GRIA1: variants seen among roughly 807,000 people sequenced by gnomAD.
The protein encoded by GRIA1 is glutamate ionotropic receptor AMPA type subunit 1, also known as glutamate receptor 1.
A neutral mutation model predicts 99.2 loss-of-function variants in GRIA1; 31 were observed. The ratio of observed to expected loss-of-function variants is 0.31; its 90% CI spans 0.23 to 0.42. The LOEUF is 0.42. GRIA1 is among the 10% of genes least tolerant of loss of function. The pLI is 1.00. For synonymous variants in GRIA1, 438 were observed against 432.4 expected (o/e 1.01, Z -0.16); for missense variants, 782 against 1,157.5 (o/e 0.68, Z 4.71).
intron 14 of GRIA1, among the ~76,000 whole-genome samples, chr5:153,797,859 C>T (rs771721901): frequency 3.9e-5 from 6 of 152,198 alleles, no homozygotes; most frequent in Non-Finnish European, 7.4e-5. Flanking sequence ...AATATGAAGG[C>T]TAGGGAACTG....
chr5:153,806,181 A>G (rs1766413194), intron 15 of GRIA1, among the ~76,000 whole-genome samples: 1 of 152,198 alleles, frequency 6.6e-6, no homozygotes, highest in African/African-American at 2.4e-5. Flanking sequence ...TGGTGATGAC[A>G]TGGGCATTTG....
rs1287160897 is a variant in GRIA1, at chr5:153,493,923, C to T, written c.83-5C>T. The T allele has an allele frequency of 6.2e-7, 1 of 1,613,926 alleles. No homozygotes were observed. Among genetic ancestry groups the T allele is most frequent in the Middle Eastern group, 1.7e-4 (1 of 6,058 alleles). On this transcript the variant is annotated splice_polypyrimidine_tract_variant and splice_region_variant and intron_variant, in intron 1 of 15. Coordinates refer to ENST00000285900, the MANE Select transcript of GRIA1 (RefSeq NM_000827.4). ...TATACCATGTTGCATTTTCTTTTCT[C>T]ATAGGGGGATTATTTCCAAACCAGC... is the stretch of plus-strand genomic sequence containing the variant.
chr5:153,802,618 A>C (rs991215711), intron 15 of GRIA1, 128 bp downstream of exon 15: 1 of 937,772 alleles, frequency 1.1e-6, no homozygotes, highest in Non-Finnish European at 1.7e-6. Flanking sequence ...AGGAAGCAGG[A>C]AGCTGTTACG....
chr5:153,624,291 A>G (rs1767365195), intron 2 of GRIA1, among the ~76,000 whole-genome samples: 1 of 152,184 alleles, frequency 6.6e-6, no homozygotes, highest in South Asian at 2.1e-4. Context: ...CTTCTCTCTA[A>G]CCGTGACTCA....
chr5:153,629,587 G>C (rs1189987275), intron 2 of GRIA1, among the ~76,000 whole-genome samples: 1 of 152,198 alleles, frequency 6.6e-6, no homozygotes, highest in Non-Finnish European at 1.5e-5. Flanking sequence ...TTTGGAAGCG[G>C]TACTTGGGCT....
intron 2 of GRIA1, among the ~76,000 whole-genome samples, chr5:153,499,091 TG>T (rs1166448519): frequency 5.3e-5 from 8 of 152,212 alleles, no homozygotes; most frequent in African/African-American, 1.9e-4. Flanking sequence ...TGGCTGATGG[TG>T]GGATAAACAA....
intron 2 of GRIA1, among the ~76,000 whole-genome samples, chr5:153,638,355 A>G (rs1162862245): frequency 6.6e-6 from 1 of 152,230 alleles, no homozygotes; most frequent in African/African-American, 2.4e-5. Context: ...GTGGACATTT[A>G]TGGAGCTCCT....
chr5:153,505,430 G>A (rs1755402697), intron 2 of GRIA1, among the ~76,000 whole-genome samples: 1 of 152,196 alleles, frequency 6.6e-6, no homozygotes, highest in Non-Finnish European at 1.5e-5. Flanking sequence ...GATATTAGTA[G>A]ATATGTTTGA....
intron 2 of GRIA1, among the ~76,000 whole-genome samples, chr5:153,534,070 TG>T (rs1758330274): frequency 1.3e-5 from 2 of 152,358 alleles, no homozygotes; most frequent in Non-Finnish European, 1.5e-5. Context: ...CTCAGGGTTT[TG>T]GGGCTATGCT....
chr5:153,669,732 C>T lies in GRIA1; in HGVS notation c.700-4768C>T, dbSNP rs564459346. ...TTCATAGAAGTAACTATTTTAAACC[C>T]TTTTCCTGCATTTGGTTATTTAATG... On this transcript the variant is annotated intron_variant, in intron 5 of 15. Transcript: ENST00000285900. 5.3e-5 allele frequency among the ~76,000 whole-genome samples: 8 copies of T among 152,260 alleles called. No homozygotes were observed. The South Asian group carries it at 1.7e-3, about 32-fold the overall frequency.
intron 12 of GRIA1, among the ~76,000 whole-genome samples, chr5:153,767,868 C>T (rs1180038618): frequency 2.0e-5 from 3 of 152,188 alleles, no homozygotes; most frequent in African/African-American, 7.2e-5. Flanking sequence ...GCTACCTTCA[C>T]ATTCCTGGAG....
chr5:153,721,703 A>C (rs1191213215), intron 11 of GRIA1, among the ~76,000 whole-genome samples: 1 of 152,180 alleles, frequency 6.6e-6, no homozygotes, highest in Non-Finnish European at 1.5e-5. Flanking sequence ...TAGTTCATTC[A>C]TTCTCATTAT....
At chr5:153,581,673 C>T (rs1287500381) in intron 2 of GRIA1, among the ~76,000 whole-genome samples, 1 of 151,984 alleles carries the variant, frequency 6.6e-6, no homozygotes, top group African/African-American at 2.4e-5. Flanking sequence ...ATTACATTGC[C>T]TTTGGTAATG....
At chr5:153,525,923 T>C (rs1475147232) in intron 2 of GRIA1, among the ~76,000 whole-genome samples, 1 of 152,202 alleles carries the variant, frequency 6.6e-6, no homozygotes, top group Non-Finnish European at 1.5e-5. Context: ...TCTGTGATCA[T>C]GGTATATAAT....
rs1435734006 is a variant in GRIA1 at position 153,677,083 on chromosome 5, G to A, written c.951G>A (p.Arg317=). 6.3e-7 allele frequency: 1 copy of A among 1,585,520 alleles called. No homozygotes were observed. Among genetic ancestry groups the A allele is most frequent in the African/African-American group, 1.4e-5 (1 of 73,936 alleles). The change falls in exon 7 of 16, where the codon CGG becomes CGA. Residue 317 remains arginine (R), a synonymous_variant. Coordinates refer to ENST00000285900, the MANE Select transcript of GRIA1 (RefSeq NM_000827.4). ...GGCAGAGAATTGATATATCTCGCCG[G>A]GGGAATGCTGGGGATTGTCTGGCTA... ...LRRQRIDISR[R]GNAGDCLANP...
rs1766625086 is a variant in GRIA1 at position 153,617,582 on chromosome 5, A to G, written c.221-29346A>G. On this transcript the variant is annotated intron_variant, in intron 2 of 15. Transcript: ENST00000285900. The stretch of plus-strand genomic sequence containing the variant: ...GATCCTTGTGACTGGGATTAGGGAG[A>G]ATTGGTACATGAGTATACAGAATCT... Among the ~76,000 whole-genome samples, 4 of 152,076 alleles carry G rather than the reference A, an allele frequency of 2.6e-5. No homozygotes were observed. In the South Asian group the frequency reaches 8.3e-4, roughly 32 times the overall value.
At position 153,688,809 on chromosome 5, in the gene GRIA1, T is replaced by A. The variant is rs1757527776; in HGVS notation, c.1134+2480T>A. On this transcript the variant is annotated intron_variant, in intron 8 of 15. Transcript: ENST00000285900. ...GTCTCGGCTCACTGCAACCTCCACC[T>A]CCCGGATTCAAGTGATTCTCCTGCC... Among the ~76,000 whole-genome samples the A allele has an allele frequency of 1.2e-4, 18 of 151,356 alleles. No individual in the cohort carries two copies. In the Admixed American group the frequency reaches 1.2e-3, roughly 10 times the overall value.
chr5:153,749,045 C>T (rs958408508), intron 11 of GRIA1, among the ~76,000 whole-genome samples: 1 of 152,060 alleles, frequency 6.6e-6, no homozygotes, highest in Admixed American at 6.6e-5. Flanking sequence ...TTGGGCACAG[C>T]AATAGCTCAA....
At chr5:153,678,549 G>A (rs142442690) in intron 7 of GRIA1, among the ~76,000 whole-genome samples, 1 of 152,274 alleles carries the variant, frequency 6.6e-6, no homozygotes, top group South Asian at 2.1e-4. Flanking sequence ...TTGCCAAATG[G>A]ACAGTGCCTG....
Sources: allele counts gnomAD v4.1 joint callset (sites outside exome capture counted in the v4.1 genomes callset), GRCh38; gene constraint gnomAD v4.1.1; transcripts MANE v1.5; gene names NCBI Gene and HGNC (gene_info 2026-07-23, HGNC 2026-07-21).